The following CCL24 variants were observed in gnomAD, a reference collection of about 807,000 sequenced individuals.
CCL24 encodes the protein C-C motif chemokine ligand 24, also known as C-C motif chemokine 24.
Under a neutral mutation model 8.6 loss-of-function variants are expected in CCL24, and 6 were observed. The observed-to-expected ratio is 0.70, with a 90% CI of 0.38 to 1.38. The LOEUF is 1.38. CCL24 is among the 40% of genes most tolerant of loss of function. CCL24 has a pLI of 0.02. For synonymous variants in CCL24, 59 were observed against 52.7 expected (o/e 1.12, Z -0.52); for missense variants, 126 against 147.1 (o/e 0.86, Z 0.74).
At chr7:75,814,770 G>A (rs1396493805), upstream of CCL24, among the ~76,000 whole-genome samples, 3 of 151,906 alleles carry the variant, frequency 2.0e-5, no homozygotes, top group African/African-American at 7.3e-5. Context: ...CATCCTCTGA[G>A]GTGGCCAATG....
At chr7:75,816,787 C>T (rs1410535566), upstream of CCL24, among the ~76,000 whole-genome samples, 1 of 151,042 alleles carries the variant, frequency 6.6e-6, no homozygotes, top group Admixed American at 6.6e-5. Flanking sequence ...GTCTTGAACT[C>T]CTGACCTCAG....
intron 1 of CCL24, among the ~76,000 whole-genome samples, chr7:75,820,106 C>CCTTCTTCTTCTTCTTCTTCTTCTT (rs71534425): frequency 2.8e-5 from 2 of 72,072 alleles, no homozygotes; most frequent in Admixed American, 2.1e-4. Context: ...TCTTCTTCTT[C>CCTTCTTCTTCTTCTTCTTCTTCTT]CTTCTTCTTC....
chr7:75,815,397 T>G (rs1158187597), upstream of CCL24, among the ~76,000 whole-genome samples: 3 of 151,280 alleles, frequency 2.0e-5, no homozygotes, highest in East Asian at 5.8e-4. Flanking sequence ...ATCCCAGCAC[T>G]TTGGGAGGCT....
chr7:75,820,955 C>A (rs1554535038), intron 1 of CCL24, among the ~76,000 whole-genome samples: 1 of 152,086 alleles, frequency 6.6e-6, no homozygotes, highest in Non-Finnish European at 1.5e-5. Context: ...ATCCATCCAT[C>A]CATCCATCCC....
chr7:75,811,765 C>T lies in CCL24; in HGVS notation c.*31G>A, dbSNP rs782784012. 1.9e-6 allele frequency: 3 copies of T among 1,599,884 alleles called. No individual in the cohort carries two copies. The Admixed American group carries it at 5.1e-5, about 27-fold the overall frequency. Reference sequence around the variant, plus strand: ...GAGTAGCCCGCCAAGCAGCTCAGGCCCAAACTCAGGGCTGGAGGGCTGGGC... The same window carrying T: ...GAGTAGCCCGCCAAGCAGCTCAGGCTCAAACTCAGGGCTGGAGGGCTGGGC... On this transcript the variant is annotated 3_prime_UTR_variant, in exon 3 of 3. Coordinates refer to ENST00000222902, the MANE Select transcript of CCL24 (RefSeq NM_002991.3).
chr7:75,817,420 G>C (rs1249519982), upstream of CCL24, among the ~76,000 whole-genome samples: 1 of 152,022 alleles, frequency 6.6e-6, no homozygotes, highest in Non-Finnish European at 1.5e-5. Context: ...TCATTGGGTG[G>C]GAGTGTGTGG....
intron 1 of CCL24, among the ~76,000 whole-genome samples, chr7:75,819,742 G>GA (rs140633751): frequency 4.6e-5 from 7 of 151,488 alleles, no homozygotes; most frequent in Non-Finnish European, 8.8e-5. Context: ...AAGAAAGAAA[G>GA]AAAAAAAATC....
At chr7:75,815,799 G>T (rs1803877785), upstream of CCL24, among the ~76,000 whole-genome samples, 1 of 152,166 alleles carries the variant, frequency 6.6e-6, no homozygotes, top group Admixed American at 6.6e-5. Context: ...ACAGCCCTTT[G>T]TAATTATTGG....
upstream of CCL24, among the ~76,000 whole-genome samples, chr7:75,816,442 C>T (rs1554534146): frequency 1.3e-5 from 2 of 152,150 alleles, no homozygotes; most frequent in African/African-American, 2.4e-5. Flanking sequence ...CCTTCACCTC[C>T]CCATCAGCCA....
At chr7:75,815,347 A>C (rs1205979919), upstream of CCL24, among the ~76,000 whole-genome samples, 7 of 151,730 alleles carry the variant, frequency 4.6e-5, no homozygotes, top group East Asian at 1.9e-4. Context: ...TCTTAAAAAA[A>C]AAAAAAAAGA....
chr7:75,820,910 T>C (rs1804036881), intron 1 of CCL24, among the ~76,000 whole-genome samples: 1 of 149,692 alleles, frequency 6.7e-6, no homozygotes, highest in African/African-American at 2.5e-5. Context: ...AATCCATCCA[T>C]CTATCCATCA....
At chr7:75,820,018 A>ACTTCCTCTTCTTCTTCTTCTTCTTCTT (rs1554534774) in intron 1 of CCL24, among the ~76,000 whole-genome samples, 1 of 104,816 alleles carries the variant, frequency 9.5e-6, no homozygotes, top group African/African-American at 3.5e-5. Context: ...TTAGTAAACT[A>ACTTCCTCTTCTTCTTCTTCTTCTTCTT]CTTCTTCTTC....
chr7:75,823,018 C>T (rs935624011), intron 1 of CCL24, among the ~76,000 whole-genome samples: 5 of 152,196 alleles, frequency 3.3e-5, no homozygotes, highest in Admixed American at 6.5e-5. Flanking sequence ...ACTTTCCGAG[C>T]TGCTCTCCGA....
In CCL24 at chr7:75,811,704, G is replaced by C; in HGVS notation, c.*92C>G. 1 of 1,144,248 alleles carries C rather than the reference G, an allele frequency of 8.7e-7. No homozygotes were observed. Among genetic ancestry groups the C allele is most frequent in the Non-Finnish European group, 1.2e-6 (1 of 806,314 alleles). 70.9% of individuals were successfully genotyped at this position (1,144,248 alleles called of 1,614,324 possible). On this transcript the variant is annotated 3_prime_UTR_variant, in exon 3 of 3. Transcript: ENST00000222902. Reference sequence around the variant, plus strand: ...GTGTTGCTAAGAAACAGGAAAATTAGCTCTTCCCCCCATCACTGTGGCTTC... The same window carrying C: ...GTGTTGCTAAGAAACAGGAAAATTACCTCTTCCCCCCATCACTGTGGCTTC...
chr7:75,813,716 G>T lies in CCL24; in HGVS notation c.-1C>A. 1 of 1,613,568 alleles carries T rather than the reference G, an allele frequency of 6.2e-7. No individual in the cohort carries two copies. The highest frequency in any genetic ancestry group is 8.5e-7 in the Non-Finnish European group (1 of 1,179,512). On this transcript the variant is annotated 5_prime_UTR_variant, in exon 1 of 3. Coordinates refer to ENST00000222902, the MANE Select transcript of CCL24 (RefSeq NM_002991.3). ...TTACTATGGTCATCAGGCCTGCCAT[G>T]TCTCAGAGAGCAGAAGCACCAGCTC...
chr7:75,812,283 C>T (rs535000141), intron 2 of CCL24, among the ~76,000 whole-genome samples: 2 of 152,154 alleles, frequency 1.3e-5, no homozygotes, highest in East Asian at 3.9e-4. Context: ...AACGGAGTCT[C>T]ACTATGTTGC....
At chr7:75,815,361 G>T (rs1289630526), upstream of CCL24, among the ~76,000 whole-genome samples, 4 of 151,182 alleles carry the variant, frequency 2.6e-5, no homozygotes, top group African/African-American at 9.7e-5. Flanking sequence ...AAAAAGAAAG[G>T]CTGGGTGAGG....
intron 1 of CCL24, among the ~76,000 whole-genome samples, chr7:75,822,366 T>G (rs1049729351): frequency 6.6e-6 from 1 of 152,188 alleles, no homozygotes; most frequent in Non-Finnish European, 1.5e-5. Context: ...TACTAAAAGA[T>G]GGGTGTGTGA....
chr7:75,819,315 T>A lies in CCL24; in HGVS notation c.-60+4007A>T, dbSNP rs1554534666. Among the ~76,000 whole-genome samples the A allele has an allele frequency of 1.6e-3, 58 of 35,662 alleles. 1 individual carries two copies. The highest frequency in any genetic ancestry group is 0.015 in the Middle Eastern group (1 of 68). The allele number at this position is 35,662 out of a possible 152,430, so 23.4% of individuals were successfully genotyped here. The stretch of plus-strand genomic sequence containing the variant: ...AAAAAAAAAAAAAAATATATATATA[T>A]ATATATATATATATATATATATTCA... On this transcript the variant is annotated intron_variant, in intron 1 of 3. Coordinates refer to the CCL24 transcript ENST00000416943.
Sources: gnomAD v4.1 joint callset for allele counts (sites outside exome capture counted in the v4.1 genomes callset) on GRCh38, gnomAD v4.1.1 for gene constraint, MANE v1.5 for transcripts, NCBI Gene and HGNC (gene_info 2026-07-23, HGNC 2026-07-21) for gene names.